NKAIN3: variants seen among roughly 807,000 people sequenced by gnomAD.
NKAIN3 encodes the protein sodium/potassium-transporting ATPase subunit beta-1-interacting protein 3.
NKAIN3 carries 25 observed loss-of-function variants against 30.2 expected under a neutral mutation model. The observed-to-expected ratio is 0.83, with a 90% CI of 0.60 to 1.16. The LOEUF (loss-of-function observed/expected upper bound fraction) is 1.16, where lower values mean the gene tolerates loss of function less well. Among genes scored for constraint, NKAIN3 ranks in the 50% most tolerant of loss-of-function variants. NKAIN3 has a pLI of 0.00. For missense variants in NKAIN3, 225 were observed against 254.1 expected, an observed-to-expected ratio of 0.89 and a Z score of 0.78; for synonymous variants, 91 against 89.6, an observed-to-expected ratio of 1.02 and a Z score of -0.09.
chr8:62,571,733 T>A (rs775507040), intron 1 of NKAIN3, among the ~76,000 whole-genome samples: 11 of 152,136 alleles, frequency 7.2e-5, no homozygotes, highest in Non-Finnish European at 4.4e-5. Flanking sequence ...ACCCACAGGC[T>A]CAACCCCACA....
chr8:62,704,032 T>C (rs1009442007), intron 3 of NKAIN3, among the ~76,000 whole-genome samples: 1 of 152,184 alleles, frequency 6.6e-6, no homozygotes, highest in African/African-American at 2.4e-5. Flanking sequence ...ACTCTTTCAA[T>C]ATGTCAACTT....
intron 3 of NKAIN3, among the ~76,000 whole-genome samples, chr8:62,598,979 G>A (rs1312991556): frequency 6.6e-6 from 1 of 151,982 alleles, no homozygotes; most frequent in African/African-American, 2.4e-5. Context: ...CAAGATTAGA[G>A]GTCTCACTGA....
At chr8:62,811,693 G>T (rs1818494098) in intron 4 of NKAIN3, among the ~76,000 whole-genome samples, 1 of 151,886 alleles carries the variant, frequency 6.6e-6, no homozygotes, top group African/African-American at 2.4e-5. Context: ...GTCTATTTGT[G>T]TCTTTTGCCA....
intron 4 of NKAIN3, among the ~76,000 whole-genome samples, chr8:62,751,449 T>C (rs1563545731): frequency 6.6e-6 from 1 of 152,322 alleles, no homozygotes; most frequent in East Asian, 1.9e-4. Context: ...TTTTTATTTA[T>C]TTTTGTACAT....
chr8:62,631,312 G>T (rs977818422), intron 3 of NKAIN3, among the ~76,000 whole-genome samples: 1 of 152,072 alleles, frequency 6.6e-6, no homozygotes, highest in Non-Finnish European at 1.5e-5. Flanking sequence ...GATTAACCTT[G>T]CAATCCCCTC....
At chr8:62,559,164 T>C (rs980010782) in intron 1 of NKAIN3, among the ~76,000 whole-genome samples, 6 of 152,050 alleles carry the variant, frequency 3.9e-5, no homozygotes, top group Admixed American at 3.3e-4. Context: ...GCAGAAGCAA[T>C]GGGATCTAGT....
Position 62,973,505 on chromosome 8 carries a change from GATGGAGTTGTT to G in NKAIN3, c.*8099_*8109del, listed in dbSNP as rs1823878104. 6.6e-6 allele frequency among the ~76,000 whole-genome samples: 1 copy of G among 151,988 alleles called. No homozygotes were observed. Among genetic ancestry groups the G allele is most frequent in the Admixed American group, 6.6e-5 (1 of 15,248 alleles). ...TATTCATATCCTTAACCCACTTTTT[GATGGAGTTGTT>G]TTTTTTCTTGTAAATTTGTTTAAGT... On this transcript the variant is annotated 3_prime_UTR_variant, in exon 7 of 7. Transcript: ENST00000623646.
chr8:62,470,957 C>G (rs967780994), intron 1 of NKAIN3, among the ~76,000 whole-genome samples: 1 of 151,724 alleles, frequency 6.6e-6, no homozygotes, highest in Non-Finnish European at 1.5e-5. Context: ...CATTGTACAA[C>G]AGAGGGACAA....
At chr8:62,652,838 G>A (rs1452426552) in intron 3 of NKAIN3, among the ~76,000 whole-genome samples, 1 of 152,178 alleles carries the variant, frequency 6.6e-6, no homozygotes, top group Non-Finnish European at 1.5e-5. Context: ...CCACGGACAA[G>A]TTATGAACTT....
chr8:62,811,470 A>G (rs1465562496), intron 4 of NKAIN3, among the ~76,000 whole-genome samples: 1 of 152,112 alleles, frequency 6.6e-6, no homozygotes, highest in Non-Finnish European at 1.5e-5. Flanking sequence ...TAGTTGCACC[A>G]TTGTACATTC....
intron 3 of NKAIN3, among the ~76,000 whole-genome samples, chr8:62,731,797 A>G (rs1278859369): frequency 6.6e-6 from 1 of 152,178 alleles, no homozygotes; most frequent in Admixed American, 6.5e-5. Flanking sequence ...CTGAGATCAG[A>G]TCCAGTTTCT....
chr8:62,618,111 T>C (rs1356480571), intron 3 of NKAIN3, among the ~76,000 whole-genome samples: 1 of 152,220 alleles, frequency 6.6e-6, no homozygotes, highest in East Asian at 1.9e-4. Flanking sequence ...CTTGGTGATC[T>C]TTATCATGAC....
intron 4 of NKAIN3, among the ~76,000 whole-genome samples, chr8:62,902,540 A>G (rs1313858522): frequency 6.6e-6 from 1 of 152,200 alleles, no homozygotes; most frequent in Non-Finnish European, 1.5e-5. Flanking sequence ...CCACAAAGAC[A>G]TGTATACTCA....
chr8:62,548,144 A>G (rs1252963288), intron 1 of NKAIN3, among the ~76,000 whole-genome samples: 1 of 152,232 alleles, frequency 6.6e-6, no homozygotes, highest in East Asian at 1.9e-4. Flanking sequence ...CACACAAGTG[A>G]ACAGAAATTC....
At chr8:62,688,621 T>C (rs552295151) in intron 3 of NKAIN3, among the ~76,000 whole-genome samples, 3 of 152,180 alleles carry the variant, frequency 2.0e-5, no homozygotes, top group Non-Finnish European at 2.9e-5. Flanking sequence ...ATTGAATTAC[T>C]AATGTGAGAA....
rs1824024493 is a variant in NKAIN3 at position 62,979,415 on chromosome 8, T to G, written c.*14008T>G. 1 of 152,210 alleles carries G rather than the reference T, an allele frequency of 6.6e-6. No individual in the cohort carries two copies. Among genetic ancestry groups the G allele is most frequent in the South Asian group, 2.1e-4 (1 of 4,836 alleles). 9.4% of individuals were successfully genotyped at this position (152,210 alleles called of 1,614,324 possible). ...GATTTAAACAAGATTGGGTGACTTA[T>G]TTATGTACACACACATCCACAATCA... On this transcript the variant is annotated 3_prime_UTR_variant, in exon 7 of 7. Coordinates refer to ENST00000623646, the MANE Select transcript of NKAIN3 (RefSeq NM_001304533.3).
intron 1 of NKAIN3, among the ~76,000 whole-genome samples, chr8:62,308,442 G>A (rs1814323510): frequency 6.6e-6 from 1 of 150,548 alleles, no homozygotes; most frequent in South Asian, 2.1e-4. Context: ...AATTTGTGTG[G>A]TGATGTGAGG....
At chr8:62,959,895 A>T (rs942174204) in intron 6 of NKAIN3, among the ~76,000 whole-genome samples, 1 of 152,220 alleles carries the variant, frequency 6.6e-6, no homozygotes, top group Non-Finnish European at 1.5e-5. Flanking sequence ...GTTGTCCCGA[A>T]GGAGAGATGG....
At chr8:62,985,466 G>C (rs889195979), downstream of NKAIN3, among the ~76,000 whole-genome samples, 4 of 152,102 alleles carry the variant, frequency 2.6e-5, no homozygotes, top group Non-Finnish European at 4.4e-5. Context: ...TTGCTCCCAA[G>C]GAGATCTGCC....
Sources: allele counts gnomAD v4.1 joint callset (sites outside exome capture counted in the v4.1 genomes callset), GRCh38; gene constraint gnomAD v4.1.1; transcripts MANE v1.5; gene names NCBI Gene and HGNC (gene_info 2026-07-23, HGNC 2026-07-21).